The following ENOX1 variants were observed in gnomAD, a reference collection of about 807,000 sequenced individuals.
ENOX1 encodes the protein candidate growth-related and time keeping constitutive hydroquinone (NADH) oxidase.
ENOX1 carries 42 observed loss-of-function variants against 82.5 expected under a neutral mutation model. The ratio of observed to expected loss-of-function variants is 0.51; its 90% CI spans 0.40 to 0.66. The LOEUF (loss-of-function observed/expected upper bound fraction) is 0.66, where lower values mean the gene tolerates loss of function less well. Among genes scored for constraint, ENOX1 ranks in the 30% least tolerant of loss-of-function variants. ENOX1 has a pLI of 0.00. For missense variants in ENOX1, 608 were observed against 811.6 expected (o/e 0.75, Z 3.05); for synonymous variants, 271 against 282.2 (o/e 0.96, Z 0.40).
chr13:43,780,172 GA>G (rs545993269), intron 1 of ENOX1, among the ~76,000 whole-genome samples: 3,558 of 130,750 alleles, frequency 0.027, 110 homozygotes, highest in African/African-American at 0.083. Context: ...AAAAAAAAAA[GA>G]AAAAAAAAAA....
chr13:43,366,938 A>G (rs1283290528), intron 5 of ENOX1, among the ~76,000 whole-genome samples: 1 of 152,248 alleles, frequency 6.6e-6, no homozygotes, highest in Non-Finnish European at 1.5e-5. Context: ...CAGCATTAAT[A>G]AACATTAATA....
At chr13:43,352,396 A>G (rs1463693884) in intron 8 of ENOX1, among the ~76,000 whole-genome samples, 2 of 152,218 alleles carry the variant, frequency 1.3e-5, no homozygotes, top group Non-Finnish European at 2.9e-5. Flanking sequence ...ATTAGAATAT[A>G]ATCCTTCCTC....
intron 3 of ENOX1, among the ~76,000 whole-genome samples, chr13:43,465,244 G>T (rs1233722614): frequency 3.3e-5 from 5 of 152,100 alleles, no homozygotes; most frequent in Non-Finnish European, 7.4e-5. Flanking sequence ...AATTCTTTTA[G>T]AAGAAAGACT....
chr13:43,560,107 C>T (rs2079605062), intron 2 of ENOX1, among the ~76,000 whole-genome samples: 1 of 152,118 alleles, frequency 6.6e-6, no homozygotes, highest in African/African-American at 2.4e-5. Context: ...AATATGGAAA[C>T]ATTTGCTATT....
At chr13:43,563,860 G>T (rs533113871) in intron 2 of ENOX1, among the ~76,000 whole-genome samples, 1 of 151,820 alleles carries the variant, frequency 6.6e-6, no homozygotes, top group Admixed American at 6.6e-5. Context: ...AAAAGGTCTC[G>T]CAGTAAAGAA....
intron 3 of ENOX1, among the ~76,000 whole-genome samples, chr13:43,429,216 C>T (rs750041999): frequency 2.0e-5 from 3 of 152,092 alleles, no homozygotes; most frequent in Non-Finnish European, 2.9e-5. Context: ...ACGTATAATG[C>T]CTTTTGGAGG....
intron 1 of ENOX1, among the ~76,000 whole-genome samples, chr13:43,731,115 C>A (rs2089315353): frequency 6.6e-6 from 1 of 152,188 alleles, no homozygotes; most frequent in Non-Finnish European, 1.5e-5. Context: ...ATGACAAGCA[C>A]AGACCCACTA....
intron 2 of ENOX1, among the ~76,000 whole-genome samples, chr13:43,525,317 A>C (rs1013473849): frequency 2.0e-5 from 3 of 152,028 alleles, no homozygotes; most frequent in African/African-American, 4.8e-5. Flanking sequence ...TGTCTCTATG[A>C]ATGTGACTAC....
At chr13:43,784,874 G>A (rs1172633014) in intron 1 of ENOX1, among the ~76,000 whole-genome samples, 2 of 152,176 alleles carry the variant, frequency 1.3e-5, no homozygotes, top group South Asian at 2.1e-4. Flanking sequence ...CAGCCTGAAG[G>A]AATTAAAGCT....
intron 2 of ENOX1, among the ~76,000 whole-genome samples, chr13:43,494,346 T>C (rs936081832): frequency 1.3e-5 from 2 of 152,174 alleles, no homozygotes; most frequent in African/African-American, 4.8e-5. Context: ...GTAAGCTTCA[T>C]GTTCTGTCAA....
intron 2 of ENOX1, among the ~76,000 whole-genome samples, chr13:43,518,582 G>A (rs969757226): frequency 6.6e-6 from 1 of 151,050 alleles, no homozygotes; most frequent in Non-Finnish European, 1.5e-5. Context: ...ATATTAGAAA[G>A]GTGACCAGAT....
intron 15 of ENOX1, among the ~76,000 whole-genome samples, chr13:43,224,557 G>A (rs1185696939): frequency 6.6e-6 from 1 of 152,148 alleles, no homozygotes; most frequent in African/African-American, 2.4e-5. Flanking sequence ...AAATCACACT[G>A]CCTCAGATTT....
chr13:43,311,362 GGT>G (rs1491184005), intron 11 of ENOX1, among the ~76,000 whole-genome samples: 1 of 12,706 alleles, frequency 7.9e-5, no homozygotes, highest in African/African-American at 8.7e-5. Context: ...TAGGTAATAG[GGT>G]TTTTTTTTTT....
At chr13:43,425,480 T>C (rs1566188256) in intron 3 of ENOX1, among the ~76,000 whole-genome samples, 2 of 152,208 alleles carry the variant, frequency 1.3e-5, no homozygotes. Context: ...GAGGAGATAT[T>C]TGCCTCTTAA....
At chr13:43,329,585 G>T (rs1335912898) in intron 9 of ENOX1, among the ~76,000 whole-genome samples, 3 of 152,156 alleles carry the variant, frequency 2.0e-5, no homozygotes, top group Non-Finnish European at 2.9e-5. Context: ...AATTCAAAGA[G>T]ATATGGCCAA....
At chr13:43,214,596 A>G (rs1266489282) in intron 16 of ENOX1, among the ~76,000 whole-genome samples, 2 of 152,208 alleles carry the variant, frequency 1.3e-5, no homozygotes. Flanking sequence ...CTTAATTTTC[A>G]CATAGACCAG....
At chr13:43,551,200 A>G (rs2079179649) in intron 2 of ENOX1, among the ~76,000 whole-genome samples, 1 of 152,236 alleles carries the variant, frequency 6.6e-6, no homozygotes, top group Non-Finnish European at 1.5e-5. Context: ...AACACAGAAC[A>G]TAGTTTACAT....
chr13:43,297,384 A>G (rs904590264), intron 12 of ENOX1, among the ~76,000 whole-genome samples: 2 of 152,182 alleles, frequency 1.3e-5, no homozygotes, highest in African/African-American at 4.8e-5. Flanking sequence ...TTAACTTTCC[A>G]TCATTCTACT....
intron 2 of ENOX1, among the ~76,000 whole-genome samples, chr13:43,520,938 G>A (rs1291756983): frequency 6.6e-6 from 1 of 152,164 alleles, no homozygotes; most frequent in African/African-American, 2.4e-5. Context: ...AGGGAGTAAG[G>A]GAAGCAGGGA....
Sources: allele counts gnomAD v4.1 joint callset (sites outside exome capture counted in the v4.1 genomes callset), GRCh38; gene constraint gnomAD v4.1.1; transcripts MANE v1.5; gene names NCBI Gene and HGNC (gene_info 2026-07-23, HGNC 2026-07-21).